Variants in CTNNA3 observed in about 807,000 individuals in gnomAD.
CTNNA3 encodes the protein catenin alpha 3.
Under a neutral mutation model 95.7 loss-of-function variants are expected in CTNNA3, and 76 were observed. The ratio of observed to expected loss-of-function variants is 0.79; its 90% CI spans 0.66 to 0.96. The LOEUF is 0.96. Among genes scored for constraint, CTNNA3 ranks in the 40% least tolerant of loss-of-function variants. The probability of loss-of-function intolerance (pLI) is 0.00; values close to 1 mark genes in which losing one functional copy is unlikely to be tolerated. For synonymous variants in CTNNA3, 431 were observed against 374.4 expected (o/e 1.15, Z -1.74); for missense variants, 1,191 against 1,089.8 (o/e 1.09, Z -1.31).
rs139483934 is a variant in CTNNA3 at position 66,446,655 on chromosome 10, C to G, written c.1532-67303G>C. Among the ~76,000 whole-genome samples, 1,463 of 152,124 alleles carry G rather than the reference C, an allele frequency of 9.6e-3. 30 individuals carry two copies. The highest frequency in any genetic ancestry group is 0.033 in the African/African-American group (1,374 of 41,514). Reference sequence around the variant, plus strand: ...CATGCTAAAAACTCTCAATAAATTACGTATTGATGGGACGTATCTAAAAAT... The same window carrying G: ...CATGCTAAAAACTCTCAATAAATTAGGTATTGATGGGACGTATCTAAAAAT... On this transcript the variant is annotated intron_variant, in intron 11 of 17. Coordinates refer to ENST00000433211, the MANE Select transcript of CTNNA3 (RefSeq NM_013266.4).
At chr10:67,094,814 T>C (rs1321303395) in intron 7 of CTNNA3, among the ~76,000 whole-genome samples, 1 of 151,738 alleles carries the variant, frequency 6.6e-6, no homozygotes, top group Non-Finnish European at 1.5e-5. Context: ...GAAAAATTTA[T>C]GAGTAAATGT....
intron 1 of CTNNA3, among the ~76,000 whole-genome samples, chr10:67,739,856 C>A (rs1841325079): frequency 6.6e-6 from 1 of 152,170 alleles, no homozygotes; most frequent in African/African-American, 2.4e-5. Flanking sequence ...CCAAGTCAAT[C>A]CTAAGCCAAA....
Position 66,114,225 on chromosome 10 carries a change from G to A in CTNNA3, c.1885-10976C>T, listed in dbSNP as rs543750276. Among the ~76,000 whole-genome samples, 14 of 152,032 alleles carry A rather than the reference G, an allele frequency of 9.2e-5. No homozygotes were observed. The East Asian group carries it at 2.3e-3, about 25-fold the overall frequency. On this transcript the variant is annotated intron_variant, in intron 13 of 17. Transcript: ENST00000433211. ...CTTATCCTTAGACTAGACAGTAAAA[G>A]GGAGTCTAACTTAAAATTTGTTCAT...
At chr10:66,925,252 A>G (rs531255542) in intron 7 of CTNNA3, among the ~76,000 whole-genome samples, 2 of 152,300 alleles carry the variant, frequency 1.3e-5, no homozygotes, top group African/African-American at 4.8e-5. Flanking sequence ...AAGAGAGGTT[A>G]TAATAGGACC....
At chr10:67,135,853 T>G (rs181917814) in intron 7 of CTNNA3, among the ~76,000 whole-genome samples, 93 of 152,334 alleles carry the variant, frequency 6.1e-4, no homozygotes, top group African/African-American at 2.2e-3. Context: ...TCAAATTTCT[T>G]TTGACCCAAT....
At chr10:67,709,178 A>G (rs1841093687) in intron 1 of CTNNA3, among the ~76,000 whole-genome samples, 1 of 152,164 alleles carries the variant, frequency 6.6e-6, no homozygotes, top group South Asian at 2.1e-4. Flanking sequence ...CAGTAGTGAC[A>G]TGATTTTTCT....
chr10:66,595,359 T>C (rs1181109090), intron 10 of CTNNA3, among the ~76,000 whole-genome samples: 3 of 139,434 alleles, frequency 2.2e-5, no homozygotes, highest in Admixed American at 2.1e-4. Context: ...ATTATTATTA[T>C]TTGAGACAGA....
intron 15 of CTNNA3, among the ~76,000 whole-genome samples, chr10:65,994,271 T>A (rs74888240): frequency 6.6e-6 from 1 of 152,170 alleles, no homozygotes; most frequent in Admixed American, 6.5e-5. Context: ...ATAATAGATA[T>A]CATCTTTGCA....
In CTNNA3 at chr10:66,326,635, G is replaced by A. The variant is rs555203915; in HGVS notation, c.1733-46014C>T. ...ACTGTAATGGCCATTAATTGTTAGT[G>A]TACACTAAATTAATGTATATTTATA... On this transcript the variant is annotated intron_variant, in intron 12 of 17. Transcript: ENST00000433211. 4.5e-4 allele frequency among the ~76,000 whole-genome samples: 69 copies of A among 152,142 alleles called. 1 individual carries two copies. The South Asian group carries it at 0.014, about 31-fold the overall frequency.
intron 14 of CTNNA3, among the ~76,000 whole-genome samples, chr10:66,084,340 C>A (rs1378071978): frequency 1.3e-5 from 2 of 151,760 alleles, no homozygotes; most frequent in Non-Finnish European, 2.9e-5. Context: ...CAAAATAATT[C>A]ATGTACTCCA....
At chr10:66,980,235 T>C (rs978893373) in intron 7 of CTNNA3, among the ~76,000 whole-genome samples, 1 of 152,198 alleles carries the variant, frequency 6.6e-6, no homozygotes, top group Admixed American at 6.5e-5. Flanking sequence ...ATGAAGTCAA[T>C]TACTAATTTA....
intron 12 of CTNNA3, among the ~76,000 whole-genome samples, chr10:66,329,835 C>T (rs932878635): frequency 7.9e-5 from 12 of 152,076 alleles, no homozygotes; most frequent in African/African-American, 2.9e-4. Flanking sequence ...TCATGAAGCT[C>T]AAGTAATTGG....
chr10:66,316,912 G>A (rs1001463426), intron 12 of CTNNA3, among the ~76,000 whole-genome samples: 16 of 151,988 alleles, frequency 1.1e-4, no homozygotes, highest in Non-Finnish European at 1.9e-4. Context: ...GATTACGGCA[G>A]AATAAAATTT....
At chr10:67,377,412 T>C (rs573487943) in intron 5 of CTNNA3, among the ~76,000 whole-genome samples, 1 of 152,330 alleles carries the variant, frequency 6.6e-6, no homozygotes, top group South Asian at 2.1e-4. Flanking sequence ...TAGCATTTCC[T>C]TCTCTAGAGG....
chr10:67,758,639 A>C (rs1004238232), intron 1 of CTNNA3, among the ~76,000 whole-genome samples: 1 of 152,050 alleles, frequency 6.6e-6, no homozygotes, highest in Non-Finnish European at 1.5e-5. Flanking sequence ...CTTTATAAAA[A>C]CCGCACTACA....
At position 65,914,192 on chromosome 10, in the gene CTNNA3, T is replaced by C. The variant is rs2076979856; in HGVS notation, c.*6138A>G. Reference sequence around the variant, plus strand: ...CATTTAGACATAATTGTTAGAAATCTGAGCCTTTTTGAAAGAGAATTTTCT... The same window carrying C: ...CATTTAGACATAATTGTTAGAAATCCGAGCCTTTTTGAAAGAGAATTTTCT... On this transcript the variant is annotated 3_prime_UTR_variant, in exon 18 of 18. Coordinates refer to ENST00000433211, the MANE Select transcript of CTNNA3 (RefSeq NM_013266.4). 1 of 152,168 alleles carries C rather than the reference T, an allele frequency of 6.6e-6. No individual in the cohort carries two copies. The highest frequency in any genetic ancestry group is 2.1e-4 in the South Asian group (1 of 4,822). The allele number at this position is 152,168 out of a possible 1,614,324, so 9.4% of individuals were successfully genotyped here.
intron 9 of CTNNA3, among the ~76,000 whole-genome samples, chr10:66,734,828 A>C (rs1412893356): frequency 6.7e-6 from 1 of 150,160 alleles, no homozygotes; most frequent in Non-Finnish European, 1.5e-5. Context: ...GTGCCACTGC[A>C]CTCCAGCCTG....
intron 9 of CTNNA3, among the ~76,000 whole-genome samples, chr10:66,751,734 A>G (rs186000017): frequency 6.6e-6 from 1 of 152,298 alleles, no homozygotes; most frequent in Admixed American, 6.5e-5. Flanking sequence ...TCTTACTTAA[A>G]TTAGTTTATA....
chr10:67,512,217 AG>A (rs1839659098), intron 5 of CTNNA3, among the ~76,000 whole-genome samples: 1 of 152,252 alleles, frequency 6.6e-6, no homozygotes, highest in Non-Finnish European at 1.5e-5. Flanking sequence ...AAAAAACAAA[AG>A]GTAACAAGTG....
Sources: allele counts gnomAD v4.1 joint callset (sites outside exome capture counted in the v4.1 genomes callset), GRCh38; gene constraint gnomAD v4.1.1; transcripts MANE v1.5; gene names NCBI Gene and HGNC (gene_info 2026-07-23, HGNC 2026-07-21).